Variants in RNGTT observed in about 807,000 individuals in gnomAD.
RNGTT encodes the protein RNA guanylyltransferase and 5'-phosphatase.
Under a neutral mutation model 79.3 loss-of-function variants are expected in RNGTT, and 33 were observed. The observed-to-expected ratio is 0.42, with a 90% CI of 0.32 to 0.56. The LOEUF (loss-of-function observed/expected upper bound fraction) is 0.56. RNGTT is among the 20% of genes least tolerant of loss of function. The pLI is 0.17. For synonymous variants in RNGTT, 222 were observed against 235.9 expected (o/e 0.94, Z 0.54); for missense variants, 497 against 739.1 (o/e 0.67, Z 3.80).
At chr6:88,686,781 TTA>T (rs1480839760) in intron 13 of RNGTT, among the ~76,000 whole-genome samples, 1 of 152,098 alleles carries the variant, frequency 6.6e-6, no homozygotes, top group Non-Finnish European at 1.5e-5. Flanking sequence ...AATTAATAAT[TTA>T]TGTTTATCAA....
chr6:88,712,724 A>G (rs946663586), intron 13 of RNGTT, among the ~76,000 whole-genome samples: 2 of 152,222 alleles, frequency 1.3e-5, no homozygotes, highest in Non-Finnish European at 2.9e-5. Context: ...AAAATACTCA[A>G]TGTGAAAAAC....
At chr6:88,826,320 A>C (rs1414599236) in intron 11 of RNGTT, among the ~76,000 whole-genome samples, 1 of 152,208 alleles carries the variant, frequency 6.6e-6, no homozygotes, top group Non-Finnish European at 1.5e-5. Context: ...GTTTGTTTTC[A>C]TGCATTTGTC....
At chr6:88,812,664 A>G (rs1780178627) in intron 11 of RNGTT, among the ~76,000 whole-genome samples, 1 of 152,242 alleles carries the variant, frequency 6.6e-6, no homozygotes, top group East Asian at 1.9e-4. Context: ...GGTATACAGT[A>G]AGACGGACGC....
chr6:88,730,535 A>G lies in RNGTT; in HGVS notation c.1439+39239T>C, dbSNP rs139092283. On this transcript the variant is annotated intron_variant, in intron 13 of 15. Transcript: ENST00000369485. ...TGCTCAGAATTAAAAAGAAAATTTT[A>G]TATTCAAGTGTTATTTCTCTTGCGG... Among the ~76,000 whole-genome samples the G allele has an allele frequency of 2.0e-4, 30 of 152,342 alleles. No homozygotes were observed. In the East Asian group the frequency reaches 5.2e-3, roughly 26 times the overall value.
At chr6:88,647,377 C>T (rs1773606714) in intron 14 of RNGTT, among the ~76,000 whole-genome samples, 2 of 152,250 alleles carry the variant, frequency 1.3e-5, no homozygotes, top group East Asian at 1.9e-4. Flanking sequence ...TAATTACCAT[C>T]TTCAATGGGG....
intron 11 of RNGTT, among the ~76,000 whole-genome samples, chr6:88,834,296 G>A (rs1434332236): frequency 6.6e-6 from 1 of 152,168 alleles, no homozygotes; most frequent in Non-Finnish European, 1.5e-5. Context: ...CCGTATGAAA[G>A]TATGAATTCT....
chr6:88,612,786 T>G lies in RNGTT; in HGVS notation c.1727A>C (p.His576Pro). ...GAGCTCCGTGTCAGGGTCCAGATGA[T>G]GTTTTCGCTTCTGTCCTTGAGAAGC... ...TAASQGQKRK[H>P]HLDPDTELMP... The change falls in exon 16 of 16, where the codon CAT becomes CCT. Residue 576 changes from histidine to proline, a missense_variant. His to Pro is a moderately conservative substitution (Grantham distance 77). This residue lies in a region of RNGTT where 53 missense variants were observed against 50.5 expected (regional missense o/e 1.05). Coordinates refer to ENST00000369485, the MANE Select transcript of RNGTT (RefSeq NM_003800.5). 1.9e-6 allele frequency: 3 copies of G among 1,613,500 alleles called. No homozygotes were observed. The highest frequency in any genetic ancestry group is 2.5e-6 in the Non-Finnish European group (3 of 1,179,946).
At chr6:88,666,288 C>T (rs1774404509) in intron 14 of RNGTT, among the ~76,000 whole-genome samples, 1 of 152,176 alleles carries the variant, frequency 6.6e-6, no homozygotes, top group African/African-American at 2.4e-5. Context: ...GGAGTTTTAA[C>T]CCAAGACGTA....
At chr6:88,688,064 C>T (rs1162955010) in intron 13 of RNGTT, among the ~76,000 whole-genome samples, 1 of 152,102 alleles carries the variant, frequency 6.6e-6, no homozygotes, top group Non-Finnish European at 1.5e-5. Context: ...TAAGTAACTT[C>T]AGAAAATAGT....
At chr6:88,854,421 T>C (rs993680274) in intron 8 of RNGTT, among the ~76,000 whole-genome samples, 19 of 152,174 alleles carry the variant, frequency 1.2e-4, no homozygotes, top group African/African-American at 4.3e-4. Context: ...AATACACATA[T>C]ACACATATAT....
intron 1 of RNGTT, among the ~76,000 whole-genome samples, chr6:88,957,016 G>A (rs1361019795): frequency 1.3e-5 from 2 of 152,258 alleles, no homozygotes; most frequent in South Asian, 2.1e-4. Context: ...CTGGGTGACA[G>A]AGCAAGACTC....
intron 11 of RNGTT, among the ~76,000 whole-genome samples, chr6:88,827,274 G>A (rs1427462702): frequency 6.6e-6 from 1 of 152,120 alleles, no homozygotes; most frequent in African/African-American, 2.4e-5. Context: ...ACCTCACCTG[G>A]GAAGCACAAG....
At chr6:88,752,787 G>A (rs1289790801) in intron 13 of RNGTT, among the ~76,000 whole-genome samples, 1 of 151,936 alleles carries the variant, frequency 6.6e-6, no homozygotes, top group Non-Finnish European at 1.5e-5. Flanking sequence ...ATGCTTGAGG[G>A]GATGGACACC....
intron 8 of RNGTT, among the ~76,000 whole-genome samples, chr6:88,887,031 C>A (rs1782882787): frequency 3.8e-5 from 4 of 104,466 alleles, no homozygotes; most frequent in African/African-American, 7.3e-5. Context: ...AGCAACATAG[C>A]AAAACACAAT....
chr6:88,779,693 T>C (rs1206174626), intron 12 of RNGTT, among the ~76,000 whole-genome samples: 1 of 152,178 alleles, frequency 6.6e-6, no homozygotes, highest in African/African-American at 2.4e-5. Flanking sequence ...TTAATGATTA[T>C]AAAATTTTAG....
chr6:88,667,173 C>T (rs990129888), intron 14 of RNGTT, among the ~76,000 whole-genome samples: 4 of 152,102 alleles, frequency 2.6e-5, no homozygotes, highest in East Asian at 3.9e-4. Flanking sequence ...TCTCAGGCAC[C>T]GCATCTAGTG....
chr6:88,842,532 G>T (rs965500800), intron 11 of RNGTT, among the ~76,000 whole-genome samples: 1 of 152,140 alleles, frequency 6.6e-6, no homozygotes, highest in African/African-American at 2.4e-5. Context: ...ATGTTCATGT[G>T]AGAACACAGG....
chr6:88,884,129 G>C (rs1206663564), intron 8 of RNGTT, among the ~76,000 whole-genome samples: 5 of 152,098 alleles, frequency 3.3e-5, no homozygotes, highest in Non-Finnish European at 7.4e-5. Context: ...CTTCAACTCA[G>C]CAATCCTTCT....
At chr6:88,895,897 T>A (rs746693394) in intron 6 of RNGTT, among the ~76,000 whole-genome samples, 3 of 152,142 alleles carry the variant, frequency 2.0e-5, no homozygotes, top group Non-Finnish European at 4.4e-5. Context: ...ATCTTATCAA[T>A]AATCACCTTC....
Sources: gnomAD v4.1 joint callset for allele counts (sites outside exome capture counted in the v4.1 genomes callset) on GRCh38, gnomAD v4.1.1 for gene constraint, gnomAD v4.1.1 regional missense constraint, MANE v1.5 for transcripts, NCBI Gene and HGNC (gene_info 2026-07-23, HGNC 2026-07-21) for gene names.